The following ZNF667 variants were observed in gnomAD, a reference collection of about 807,000 sequenced individuals.
ZNF667 encodes myocardial ischemic preconditioning upregulated 1 ortholog.
In ZNF667, 13 loss-of-function variants were observed where a neutral mutation model predicts 31.8. The observed-to-expected ratio is 0.41, with a 90% CI of 0.27 to 0.65. ZNF667 has a LOEUF of 0.65. Among genes scored for constraint, ZNF667 ranks in the 30% least tolerant of loss-of-function variants. The pLI is 0.32. For synonymous variants in ZNF667, 228 were observed against 247.1 expected, an observed-to-expected ratio of 0.92 and a Z score of 0.73; for missense variants, 642 against 725.6, an observed-to-expected ratio of 0.88 and a Z score of 1.32.
At chr19:56,451,770 A>G (rs1378305801) in intron 6 of ZNF667, among the ~76,000 whole-genome samples, 3 of 149,178 alleles carry the variant, frequency 2.0e-5, no homozygotes, top group Admixed American at 6.8e-5. Flanking sequence ...TCAGTAGGCC[A>G]AGGTGGGAAT....
At chr19:56,464,112 G>GA (rs1327116382) in intron 3 of ZNF667, among the ~76,000 whole-genome samples, 1 of 152,056 alleles carries the variant, frequency 6.6e-6, no homozygotes, top group Non-Finnish European at 1.5e-5. Flanking sequence ...GACTCAGTAT[G>GA]AAAAAATGTA....
chr19:56,458,976 G>A (rs2042990056), intron 5 of ZNF667, among the ~76,000 whole-genome samples: 1 of 152,140 alleles, frequency 6.6e-6, no homozygotes, highest in South Asian at 2.1e-4. Context: ...ACATGCAACT[G>A]GCCTCTGAAG....
Position 56,441,897 on chromosome 19 carries a change from G to T in ZNF667, c.1098C>A (p.Phe366Leu), listed in dbSNP as rs1191937834. 6.2e-7 allele frequency: 1 copy of T among 1,614,030 alleles called. No individual in the cohort carries two copies. Among genetic ancestry groups the T allele is most frequent in the African/African-American group, 1.3e-5 (1 of 74,938 alleles). ...KPYKCDKCDK[F>L]FRRLSTLILH... ...GAATAAGGGTTGAAAGCCGCCTGAA[G>T]AACTTGTCACATTTATCACATTTGT... Residue 366 changes from phenylalanine to leucine, a missense_variant, in exon 7 of 7, where the codon TTC (phenylalanine) becomes TTA (leucine). Physicochemically the swap from Phe to Leu is conservative, Grantham distance 22. Coordinates refer to ENST00000504904, the MANE Select transcript of ZNF667 (RefSeq NM_001321356.2). This position sits in a 1 kb window ranked among gnomAD's most constrained non-coding sequence, Gnocchi z 4.2.
At chr19:56,453,642 G>A (rs1002722049) in intron 6 of ZNF667, among the ~76,000 whole-genome samples, 1 of 152,040 alleles carries the variant, frequency 6.6e-6, no homozygotes, top group Non-Finnish European at 1.5e-5. Context: ...ATCCCTTCAT[G>A]ATGCGATCCC....
chr19:56,453,400 C>G (rs1268476606), intron 6 of ZNF667, among the ~76,000 whole-genome samples: 2 of 152,052 alleles, frequency 1.3e-5, no homozygotes, highest in African/African-American at 4.8e-5. Context: ...TATCAAAACC[C>G]AAGGACACAT....
At chr19:56,456,040 C>G (rs761914842) in intron 6 of ZNF667, among the ~76,000 whole-genome samples, 27 of 152,166 alleles carry the variant, frequency 1.8e-4, no homozygotes, top group African/African-American at 6.3e-4. Context: ...CATCTTGTCA[C>G]TTGGGAATGA....
intron 3 of ZNF667, among the ~76,000 whole-genome samples, chr19:56,467,256 A>AC (rs953230591): frequency 5.9e-5 from 9 of 151,322 alleles, no homozygotes; most frequent in African/African-American, 1.7e-4. Flanking sequence ...AGTTATGGCC[A>AC]CCCCCCCAAA....
upstream of ZNF667, chr19:56,478,048 A>G (rs1056460798): frequency 1.3e-5 from 2 of 152,414 alleles, no homozygotes; most frequent in Non-Finnish European, 2.9e-5. Flanking sequence ...CGTTTTGCGA[A>G]GAGGCCCACA....
intron 5 of ZNF667, among the ~76,000 whole-genome samples, chr19:56,458,834 C>G (rs1018026933): frequency 6.6e-6 from 1 of 152,178 alleles, no homozygotes; most frequent in Non-Finnish European, 1.5e-5. Flanking sequence ...TCTGTAATAT[C>G]TTTTACACTG....
chr19:56,443,263 C>T (rs2042655425), intron 6 of ZNF667, among the ~76,000 whole-genome samples: 1 of 152,030 alleles, frequency 6.6e-6, no homozygotes, highest in Non-Finnish European at 1.5e-5. Flanking sequence ...ATGATGTTTA[C>T]CTCAATAAAG....
intron 2 of ZNF667, among the ~76,000 whole-genome samples, chr19:56,473,632 A>G (rs941891419): frequency 9.2e-5 from 14 of 152,320 alleles, no homozygotes; most frequent in Middle Eastern, 3.4e-3. Flanking sequence ...TGCCCCTGGC[A>G]TCTAGTGAGT....
chr19:56,443,152 A>T (rs2042652704), intron 6 of ZNF667, among the ~76,000 whole-genome samples: 2 of 152,176 alleles, frequency 1.3e-5, no homozygotes. Flanking sequence ...AGAATCTTAC[A>T]GGGGTGATAA....
intron 6 of ZNF667, among the ~76,000 whole-genome samples, chr19:56,448,615 C>T (rs2042754725): frequency 6.9e-6 from 1 of 144,314 alleles, no homozygotes; most frequent in African/African-American, 2.5e-5. Flanking sequence ...TGTCTTGCAA[C>T]TTGGATATCA....
At chr19:56,470,346 G>C (rs73064080) in intron 3 of ZNF667, among the ~76,000 whole-genome samples, 29,286 of 152,226 alleles carry the variant, frequency 0.19, 3,001 homozygotes, top group Middle Eastern at 0.23. Flanking sequence ...CTCCATGCCT[G>C]GGCAGCAGCG....
chr19:56,459,764 T>C (rs1198405428), intron 5 of ZNF667, among the ~76,000 whole-genome samples: 2 of 151,972 alleles, frequency 1.3e-5, no homozygotes, highest in Non-Finnish European at 2.9e-5. Context: ...GAGGCCGAGG[T>C]GGGCAGATCA....
At chr19:56,446,469 A>G (rs571707796) in intron 6 of ZNF667, among the ~76,000 whole-genome samples, 42 of 152,282 alleles carry the variant, frequency 2.8e-4, no homozygotes, top group Admixed American at 2.7e-3. Context: ...GCTCTTAGGA[A>G]GTCTAGTCTT....
chr19:56,455,162 A>G (rs1245616473), intron 6 of ZNF667, among the ~76,000 whole-genome samples: 1 of 152,200 alleles, frequency 6.6e-6, no homozygotes, highest in African/African-American at 2.4e-5. Context: ...TTTATCCCAA[A>G]GCAGGCAAAA....
In ZNF667 at chr19:56,442,015, T is replaced by C; in HGVS notation, c.980A>G (p.Glu327Gly). 2 of 1,614,144 alleles carry C rather than the reference T, an allele frequency of 1.2e-6. No individual in the cohort carries two copies. Among genetic ancestry groups the C allele is most frequent in the Non-Finnish European group, 8.5e-7 (1 of 1,180,012 alleles). The change falls in exon 7 of 7, where the codon GAG becomes GGG. Residue 327 changes from glutamate to glycine, a missense_variant. Physicochemically the swap from Glu to Gly is moderately conservative, Grantham distance 98. Coordinates refer to ENST00000504904, the MANE Select transcript of ZNF667 (RefSeq NM_001321356.2). ...QSLQQRSHHL[E>G]NPFKCRKCGK... ...ACATTTTCTGCATTTAAAAGGATTC[T>C]CTAAATGGTGACTTCTTTGCTGTAG...
rs771408070 is a variant in ZNF667 at position 56,442,541 on chromosome 19, T to C, written c.454A>G (p.Thr152Ala). Residue 152 changes from threonine (T) to alanine (A), a missense_variant, in exon 7 of 7, where the codon ACC (threonine) becomes GCC (alanine). Thr to Ala is a moderately conservative substitution (Grantham distance 58). Transcript: ENST00000504904. ...KPLKCNDCGKTFSRSFSLKLH... is the reference protein window; with the variant it reads ...KPLKCNDCGKAFSRSFSLKLH... ...TTAAGAGAGAAGCTTCGACTAAAGG[T>C]TTTACCACAGTCATTACATTTTAAA... 1.5e-5 allele frequency: 25 copies of C among 1,613,900 alleles called. 1 individual carries two copies. The South Asian group carries it at 2.5e-4, about 16-fold the overall frequency.
Sources: gnomAD v4.1 joint callset for allele counts (sites outside exome capture counted in the v4.1 genomes callset) on GRCh38, gnomAD v4.1.1 for gene constraint, Gnocchi (gnomAD v3.1) non-coding constraint, MANE v1.5 for transcripts, NCBI Gene and HGNC (gene_info 2026-07-23, HGNC 2026-07-21) for gene names.